Variants in ADAMTS3 observed in about 807,000 individuals in gnomAD.
ADAMTS3 encodes ADAM metallopeptidase with thrombospondin type 1 motif 3.
ADAMTS3 carries 73 observed loss-of-function variants against 129.0 expected under a neutral mutation model. The ratio of observed to expected loss-of-function variants is 0.57; its 90% CI spans 0.47 to 0.69. ADAMTS3 has a LOEUF of 0.69. Ranked by LOEUF, ADAMTS3 falls within the 30% of genes least tolerant of loss-of-function variation. ADAMTS3 has a pLI of 0.00. For missense variants in ADAMTS3, 1,457 were observed against 1,514.5 expected (o/e 0.96, Z 0.63); for synonymous variants, 477 against 510.8 (o/e 0.93, Z 0.89).
chr4:72,387,610 G>A (rs1302743505), intron 4 of ADAMTS3, among the ~76,000 whole-genome samples: 1 of 152,138 alleles, frequency 6.6e-6, no homozygotes, highest in African/African-American at 2.4e-5. Flanking sequence ...TATCCTGAGT[G>A]AGCCTTATCT....
At chr4:72,541,491 G>A (rs1225597437) in intron 3 of ADAMTS3, among the ~76,000 whole-genome samples, 1 of 152,196 alleles carries the variant, frequency 6.6e-6, no homozygotes, top group Non-Finnish European at 1.5e-5. Context: ...GGCATGATTG[G>A]TTTTGAAATG....
At chr4:72,568,665 T>G in intron 1 of ADAMTS3, 29 bp downstream of exon 1, 1 of 1,602,872 alleles carries the variant, frequency 6.2e-7, no homozygotes, top group East Asian at 2.2e-5. Context: ...GGTTTGAGTT[T>G]TTTTTTATTG....
intron 4 of ADAMTS3, among the ~76,000 whole-genome samples, chr4:72,392,429 C>T (rs1032710355): frequency 6.6e-6 from 1 of 152,144 alleles, no homozygotes; most frequent in Admixed American, 6.5e-5. Context: ...AAAAAAAATC[C>T]ACCCCCTTAA....
At chr4:72,352,250 C>T (rs552389306) in intron 4 of ADAMTS3, among the ~76,000 whole-genome samples, 2 of 152,064 alleles carry the variant, frequency 1.3e-5, no homozygotes, top group African/African-American at 4.8e-5. Context: ...TGTATGTCAT[C>T]AAAATCAATA....
intron 3 of ADAMTS3, among the ~76,000 whole-genome samples, chr4:72,522,738 C>G (rs1198386402): frequency 6.6e-6 from 1 of 151,896 alleles, no homozygotes; most frequent in African/African-American, 2.4e-5. Context: ...ATAATCATAA[C>G]CAACAAAAAA....
chr4:72,356,669 T>C (rs1720590041), intron 4 of ADAMTS3, among the ~76,000 whole-genome samples: 1 of 151,840 alleles, frequency 6.6e-6, no homozygotes, highest in Admixed American at 6.6e-5. Flanking sequence ...TATTAATTTT[T>C]ATAATTAATA....
At chr4:72,288,637 T>C in intron 21 of ADAMTS3, 114 bp downstream of exon 21, 1 of 714,430 alleles carries the variant, frequency 1.4e-6, no homozygotes. Flanking sequence ...GGTGTTTTCC[T>C]TTGGTTATTT....
chr4:72,515,066 A>G (rs1720426856), intron 3 of ADAMTS3, among the ~76,000 whole-genome samples: 1 of 152,072 alleles, frequency 6.6e-6, no homozygotes, highest in African/African-American at 2.4e-5. Flanking sequence ...ATGCCCATCT[A>G]TGAATGAGAA....
intron 2 of ADAMTS3, among the ~76,000 whole-genome samples, chr4:72,557,858 ATT>A (rs1721807242): frequency 1.3e-5 from 2 of 151,846 alleles, no homozygotes; most frequent in African/African-American, 4.9e-5. Flanking sequence ...AGTAAAAAAC[ATT>A]TTGTTTTTAA....
In ADAMTS3 at chr4:72,531,379, A is replaced by G. The variant is rs1040542247; in HGVS notation, c.504+17099T>C. On this transcript the variant is annotated intron_variant, in intron 3 of 21. Transcript: ENST00000286657. Reference sequence around the variant, plus strand: ...GTTAAATTTAGACAGCCAAGTGGAGATGCTGAATTGGCCGCAGAATATACA... The same window carrying G: ...GTTAAATTTAGACAGCCAAGTGGAGGTGCTGAATTGGCCGCAGAATATACA... 2.0e-5 allele frequency among the ~76,000 whole-genome samples: 3 copies of G among 152,110 alleles called. No individual in the cohort carries two copies. The East Asian group carries it at 5.8e-4, about 29-fold the overall frequency.
At chr4:72,539,070 AAT>A (rs941891490) in intron 3 of ADAMTS3, among the ~76,000 whole-genome samples, 1 of 152,076 alleles carries the variant, frequency 6.6e-6, no homozygotes, top group South Asian at 2.1e-4. Flanking sequence ...CTTGTTAAAA[AAT>A]ATATATATAG....
chr4:72,404,596 C>T (rs957635269), intron 4 of ADAMTS3, among the ~76,000 whole-genome samples: 7 of 151,790 alleles, frequency 4.6e-5, no homozygotes, highest in Non-Finnish European at 7.4e-5. Flanking sequence ...ATCTTCACAA[C>T]GATTTGCTAG....
chr4:72,319,365 C>T lies in ADAMTS3; in HGVS notation c.1319G>A (p.Arg440Gln), dbSNP rs867503230. 21 of 1,613,884 alleles carry T rather than the reference C, an allele frequency of 1.3e-5. No individual in the cohort carries two copies. The highest frequency in any genetic ancestry group is 3.3e-5 in the Admixed American group (2 of 60,000). The change falls in exon 9 of 22, where the codon CGA becomes CAA. Residue 440 changes from arginine (R) to glutamine (Q), a missense_variant. Physicochemically the swap from Arg to Gln is conservative, Grantham distance 43 (BLOSUM62 1). Transcript: ENST00000286657. ...TCTTTTCAGTTCTTGACCACTGCAT[C>T]GGGACCAGTGGTAACGATGGAATGC... is the stretch of plus-strand genomic sequence containing the variant. ...QAAFHRYHWS[R>Q]CSGQELKRYI... is the part of the protein sequence containing the mutation.
chr4:72,475,083 A>C (rs1719193819), intron 3 of ADAMTS3, among the ~76,000 whole-genome samples: 1 of 152,064 alleles, frequency 6.6e-6, no homozygotes, highest in African/African-American at 2.4e-5. Context: ...AAAGGCAGGA[A>C]AAATAAAACA....
At chr4:72,526,068 T>G (rs1277846844) in intron 3 of ADAMTS3, among the ~76,000 whole-genome samples, 2 of 152,152 alleles carry the variant, frequency 1.3e-5, no homozygotes, top group Non-Finnish European at 2.9e-5. Context: ...GAAATTGCTG[T>G]GCTGCTCCAT....
chr4:72,450,208 G>A (rs1051401803), intron 3 of ADAMTS3, among the ~76,000 whole-genome samples: 1 of 151,614 alleles, frequency 6.6e-6, no homozygotes, highest in African/African-American at 2.4e-5. Flanking sequence ...AAAAAGAGGT[G>A]GACAAAACTG....
intron 2 of ADAMTS3, among the ~76,000 whole-genome samples, chr4:72,560,449 T>A (rs1721876047): frequency 6.6e-6 from 1 of 152,136 alleles, no homozygotes. Flanking sequence ...CGCCAATCAA[T>A]GATAGACTGG....
intron 3 of ADAMTS3, among the ~76,000 whole-genome samples, chr4:72,468,317 A>T (rs181578793): frequency 7.9e-5 from 12 of 152,242 alleles, no homozygotes; most frequent in Admixed American, 6.6e-5. Flanking sequence ...AGTCATCATG[A>T]TCCAAAGTTT....
At chr4:72,537,382 G>C (rs1233572104) in intron 3 of ADAMTS3, among the ~76,000 whole-genome samples, 1 of 152,134 alleles carries the variant, frequency 6.6e-6, no homozygotes, top group Non-Finnish European at 1.5e-5. Context: ...ATGATTTTTA[G>C]GGAATTTATA....
Sources: gnomAD v4.1 joint callset for allele counts (sites outside exome capture counted in the v4.1 genomes callset) on GRCh38, gnomAD v4.1.1 for gene constraint, MANE v1.5 for transcripts, NCBI Gene and HGNC (gene_info 2026-07-23, HGNC 2026-07-21) for gene names.